COL23A1: variants seen among roughly 807,000 people sequenced by gnomAD.
COL23A1 encodes collagen type XXIII alpha 1 chain.
A neutral mutation model predicts 99.3 loss-of-function variants in COL23A1; 97 were observed. That is an observed-to-expected ratio of 0.98 (90% CI 0.83 to 1.16). The LOEUF is 1.16. Ranked by LOEUF, COL23A1 falls within the 50% of genes most tolerant of loss-of-function variation. The probability of loss-of-function intolerance (pLI) is 0.00; values close to 1 mark genes in which losing one functional copy is unlikely to be tolerated. For synonymous variants in COL23A1, 320 were observed against 308.2 expected (o/e 1.04, Z -0.40); for missense variants, 762 against 757.4 (o/e 1.01, Z -0.07).
intron 11 of COL23A1, among the ~76,000 whole-genome samples, chr5:178,260,136 G>A (rs1765550860): frequency 6.6e-6 from 1 of 152,160 alleles, no homozygotes; most frequent in Non-Finnish European, 1.5e-5. Flanking sequence ...GGGCGAAAAT[G>A]AAAGAGCTGG....
intron 1 of COL23A1, among the ~76,000 whole-genome samples, chr5:178,566,886 C>T (rs1762867635): frequency 6.6e-6 from 1 of 152,150 alleles, no homozygotes; most frequent in South Asian, 2.1e-4. Flanking sequence ...AAACACTGTA[C>T]TCTAGCTAGG....
At chr5:178,388,566 C>T (rs1173142704) in intron 2 of COL23A1, among the ~76,000 whole-genome samples, 1 of 152,180 alleles carries the variant, frequency 6.6e-6, no homozygotes, top group Non-Finnish European at 1.5e-5. Context: ...CATCAGTGGC[C>T]GTCTCCTTGC....
chr5:178,531,510 C>T (rs1446754515), intron 2 of COL23A1, among the ~76,000 whole-genome samples: 2 of 152,186 alleles, frequency 1.3e-5, no homozygotes, highest in Non-Finnish European at 2.9e-5. Flanking sequence ...GATCCTGAAA[C>T]ACCCCTGAGC....
chr5:178,318,902 C>CAAAA (rs34021116), intron 2 of COL23A1, among the ~76,000 whole-genome samples: 1 of 137,050 alleles, frequency 7.3e-6, no homozygotes, highest in Non-Finnish European at 1.6e-5. Context: ...ACTTCATCTC[C>CAAAA]AAAAAAAAAA....
chr5:178,286,342 G>A (rs765064885), intron 5 of COL23A1, among the ~76,000 whole-genome samples: 2 of 152,166 alleles, frequency 1.3e-5, no homozygotes, highest in East Asian at 3.9e-4. Context: ...AAAGCTCCCA[G>A]TGTCAAGCCT....
Position 178,517,557 on chromosome 5 carries a change from G to GTTTTTTT in COL23A1, c.361+43118_361+43124dup, listed in dbSNP as rs35787274. On this transcript the variant is annotated intron_variant, in intron 2 of 28. Transcript: ENST00000390654. ...AGGGCTCAGACTCTCGGTGACAGCA[G>GTTTTTTT]TTTTTTTTTTGTTTTTTTTTTTGAG... Among the ~76,000 whole-genome samples the GTTTTTTT allele has an allele frequency of 3.5e-4, 30 of 84,972 alleles. 6 individuals carry two copies. Among genetic ancestry groups the GTTTTTTT allele is most frequent in the African/African-American group, 5.4e-4 (9 of 16,582 alleles). The allele number at this position is 84,972 out of a possible 152,430, so 55.7% of individuals were successfully genotyped here.
intron 2 of COL23A1, among the ~76,000 whole-genome samples, chr5:178,338,292 CTCCAGGAAG>C (rs1760459606): frequency 6.6e-6 from 1 of 152,204 alleles, no homozygotes; most frequent in Non-Finnish European, 1.5e-5. Context: ...AGGGCCTGAT[CTCCAGGAAG>C]TCCAGAGGGC....
chr5:178,259,821 T>C, intron 11 of COL23A1, 74 bp from the exon 12 acceptor site: 1 of 1,404,466 alleles, frequency 7.1e-7, no homozygotes, highest in African/African-American at 1.4e-5. Context: ...GGACCTCTTG[T>C]TCCTCGGGTA....
intron 2 of COL23A1, among the ~76,000 whole-genome samples, chr5:178,427,641 G>A (rs1295562336): frequency 6.6e-6 from 1 of 152,158 alleles, no homozygotes; most frequent in African/African-American, 2.4e-5. Flanking sequence ...CAAGAAATGA[G>A]CTCTCAAGCC....
At chr5:178,576,324 C>T (rs777495063) in intron 1 of COL23A1, among the ~76,000 whole-genome samples, 3 of 152,176 alleles carry the variant, frequency 2.0e-5, no homozygotes, top group African/African-American at 4.8e-5. Context: ...CTGCAACCTC[C>T]GCCTCCCGGG....
At chr5:178,573,296 A>G (rs945928584) in intron 1 of COL23A1, among the ~76,000 whole-genome samples, 5 of 152,256 alleles carry the variant, frequency 3.3e-5, no homozygotes, top group African/African-American at 1.2e-4. Context: ...TCCTGGGTAC[A>G]GAAGGCATCA....
rs1001277787 is a variant in COL23A1 at position 178,434,076 on chromosome 5, G to C, written c.361+126606C>G. Among the ~76,000 whole-genome samples the C allele has an allele frequency of 1.3e-5, 2 of 152,194 alleles. No homozygotes were observed. Among genetic ancestry groups the C allele is most frequent in the African/African-American group, 4.8e-5 (2 of 41,438 alleles). On this transcript the variant is annotated intron_variant, in intron 2 of 28. Coordinates refer to ENST00000390654, the MANE Select transcript of COL23A1 (RefSeq NM_173465.4). This position sits in a 1 kb window ranked among gnomAD's most constrained non-coding sequence, Gnocchi z 4.3. ...GGGCCTGAGAAAATAAATGTCCATT[G>C]TTGATGCCATCCCAACTGGTACTTT...
chr5:178,297,835 C>T (rs527436569), intron 3 of COL23A1, among the ~76,000 whole-genome samples: 129 of 152,232 alleles, frequency 8.5e-4, no homozygotes, highest in Non-Finnish European at 1.2e-3. Flanking sequence ...ACCTGGAGGC[C>T]GTCACATCTT....
chr5:178,497,495 G>C (rs781655787), intron 2 of COL23A1, among the ~76,000 whole-genome samples: 3 of 152,206 alleles, frequency 2.0e-5, no homozygotes, highest in Non-Finnish European at 4.4e-5. Flanking sequence ...GATTAACGTG[G>C]AAGAAGGCAA....
intron 20 of COL23A1, 110 bp downstream of exon 20, chr5:178,248,082 C>T (rs1210670575): frequency 7.4e-6 from 6 of 807,948 alleles, no homozygotes; most frequent in African/African-American, 1.7e-5. Context: ...CCCTCCCCTA[C>T]TGCCCTGGGT....
rs1308315671 is a variant in COL23A1, at chr5:178,307,182, G to A, written c.362-263C>T. 6.6e-6 allele frequency among the ~76,000 whole-genome samples: 1 copy of A among 152,112 alleles called. No individual in the cohort carries two copies. Among genetic ancestry groups the A allele is most frequent in the African/African-American group, 2.4e-5 (1 of 41,414 alleles). On this transcript the variant is annotated intron_variant, in intron 2 of 28. Transcript: ENST00000390654. This position sits in a 1 kb window ranked among gnomAD's most constrained non-coding sequence, Gnocchi z 4.2. ...GCACCCATTCTGTCATTCAATCATCGGCTCACTCAGTCATTCCTAAGCCCT... is the reference window on the plus strand; with the variant it reads ...GCACCCATTCTGTCATTCAATCATCAGCTCACTCAGTCATTCCTAAGCCCT...
chr5:178,563,616 C>A, intron 1 of COL23A1, among the ~76,000 whole-genome samples: 1 of 149,418 alleles, frequency 6.7e-6, no homozygotes, highest in East Asian at 2.0e-4. Flanking sequence ...ACTGCAGCCT[C>A]AACCTCTCAG....
chr5:178,559,649 G>A (rs1010982475), intron 2 of COL23A1, among the ~76,000 whole-genome samples: 3 of 137,374 alleles, frequency 2.2e-5, no homozygotes, highest in Non-Finnish European at 3.1e-5. Flanking sequence ...CCTGCACGTC[G>A]AGAAGTCTGA....
intron 5 of COL23A1, among the ~76,000 whole-genome samples, chr5:178,285,996 C>T (rs1442776869): frequency 1.3e-5 from 2 of 152,118 alleles, no homozygotes; most frequent in African/African-American, 4.8e-5. Flanking sequence ...GGTGTGAGAA[C>T]GAGGGGTCTG....
Sources: allele counts gnomAD v4.1 joint callset (sites outside exome capture counted in the v4.1 genomes callset), GRCh38; gene constraint gnomAD v4.1.1; non-coding constraint Gnocchi (gnomAD v3.1); transcripts MANE v1.5; gene names NCBI Gene and HGNC (gene_info 2026-07-23, HGNC 2026-07-21).